STXBP6: variants seen among roughly 807,000 people sequenced by gnomAD.
STXBP6 encodes syntaxin binding protein 6, also known as syntaxin-binding protein 6.
A neutral mutation model predicts 26.9 loss-of-function variants in STXBP6; 21 were observed. The observed-to-expected ratio is 0.78, with a 90% CI of 0.55 to 1.12. The LOEUF (loss-of-function observed/expected upper bound fraction) is 1.12. STXBP6 is among the 50% of genes most tolerant of loss of function. The probability of loss-of-function intolerance (pLI) is 0.00; values close to 1 mark genes in which losing one functional copy is unlikely to be tolerated. For missense variants in STXBP6, 232 were observed against 257.9 expected, an observed-to-expected ratio of 0.90 and a Z score of 0.69; for synonymous variants, 97 against 92.6, an observed-to-expected ratio of 1.05 and a Z score of -0.27.
chr14:24,820,873 T>G (rs2068114342), intron 4 of STXBP6, among the ~76,000 whole-genome samples: 1 of 152,192 alleles, frequency 6.6e-6, no homozygotes, highest in South Asian at 2.1e-4. Flanking sequence ...ATTCTCTACC[T>G]TGTTCTTTGC....
chr14:24,914,526 T>A (rs1262254109), intron 2 of STXBP6, among the ~76,000 whole-genome samples: 1 of 152,132 alleles, frequency 6.6e-6, no homozygotes, highest in Non-Finnish European at 1.5e-5. Flanking sequence ...GGTTGCATTA[T>A]CCTCCCCCTT....
At chr14:24,814,787 T>A (rs1032242362) in intron 5 of STXBP6, among the ~76,000 whole-genome samples, 1 of 152,274 alleles carries the variant, frequency 6.6e-6, no homozygotes, top group East Asian at 1.9e-4. Flanking sequence ...ATGAATGAGA[T>A]TAGTGTCCTT....
At chr14:24,935,888 CCAGA>C (rs773127110) in intron 2 of STXBP6, among the ~76,000 whole-genome samples, 6 of 152,178 alleles carry the variant, frequency 3.9e-5, no homozygotes, top group African/African-American at 1.4e-4. Flanking sequence ...CATGCACAGA[CCAGA>C]CAGAGACAAT....
At chr14:24,825,738 C>G (rs989565898) in intron 4 of STXBP6, among the ~76,000 whole-genome samples, 2 of 152,166 alleles carry the variant, frequency 1.3e-5, no homozygotes, top group Non-Finnish European at 2.9e-5. Flanking sequence ...TTCATACTCT[C>G]CTCTCAATTC....
At chr14:24,864,192 C>G (rs559577657) in intron 2 of STXBP6, among the ~76,000 whole-genome samples, 2 of 152,104 alleles carry the variant, frequency 1.3e-5, no homozygotes, top group African/African-American at 2.4e-5. Context: ...TTCAAAGTCA[C>G]GGCCAACTGA....
At chr14:24,898,670 C>T (rs558270817) in intron 2 of STXBP6, among the ~76,000 whole-genome samples, 1 of 151,902 alleles carries the variant, frequency 6.6e-6, no homozygotes, top group South Asian at 2.1e-4. Flanking sequence ...GAGGGATACT[C>T]CATCTCAAAA....
chr14:24,982,134 T>C (rs2074210055), intron 1 of STXBP6, among the ~76,000 whole-genome samples: 1 of 152,194 alleles, frequency 6.6e-6, no homozygotes, highest in African/African-American at 2.4e-5. Flanking sequence ...GAGTGCTCCT[T>C]GAAAATTGCG....
intron 2 of STXBP6, among the ~76,000 whole-genome samples, chr14:24,921,127 C>G (rs1293835087): frequency 6.6e-6 from 1 of 152,138 alleles, no homozygotes; most frequent in Non-Finnish European, 1.5e-5. Context: ...TCTCAATTCT[C>G]TTCTCTGTAA....
intron 1 of STXBP6, among the ~76,000 whole-genome samples, chr14:24,987,435 G>C (rs976070904): frequency 9.2e-5 from 14 of 152,340 alleles, no homozygotes; most frequent in Middle Eastern, 6.8e-3. Context: ...TGAAGAAGGA[G>C]GTTATGGAAA....
intron 1 of STXBP6, among the ~76,000 whole-genome samples, chr14:25,005,285 A>G (rs1204011840): frequency 6.6e-6 from 1 of 152,212 alleles, no homozygotes; most frequent in African/African-American, 2.4e-5. Context: ...TATGCTAACA[A>G]CAGTTGCATG....
intron 2 of STXBP6, among the ~76,000 whole-genome samples, chr14:24,876,813 T>G (rs1255412305): frequency 6.6e-6 from 1 of 152,180 alleles, no homozygotes; most frequent in Non-Finnish European, 1.5e-5. Context: ...TTAAGAACAT[T>G]AAAAATTAGA....
chr14:24,931,621 A>C (rs181537932), intron 2 of STXBP6, among the ~76,000 whole-genome samples: 4 of 152,310 alleles, frequency 2.6e-5, no homozygotes, highest in African/African-American at 9.6e-5. Context: ...GCAGTGTTGA[A>C]CAAGTGAAGT....
At chr14:24,965,172 T>A (rs117989046) in intron 2 of STXBP6, among the ~76,000 whole-genome samples, 6,733 of 151,468 alleles carry the variant, frequency 0.044, 280 homozygotes, top group East Asian at 0.21. Flanking sequence ...CTGTCAGGAG[T>A]GGGACACAGA....
chr14:24,837,373 T>C (rs1335964488), intron 4 of STXBP6, among the ~76,000 whole-genome samples: 1 of 152,188 alleles, frequency 6.6e-6, no homozygotes, highest in Non-Finnish European at 1.5e-5. Flanking sequence ...AGTTCGGGGG[T>C]AGAATCATAT....
At chr14:24,882,107 C>T (rs952152124) in intron 2 of STXBP6, among the ~76,000 whole-genome samples, 2 of 151,672 alleles carry the variant, frequency 1.3e-5, no homozygotes, top group African/African-American at 4.8e-5. Context: ...CGGCCGGGCG[C>T]GGTGGCTCAC....
At position 24,885,374 on chromosome 14, in the gene STXBP6, C is replaced by T. The variant is rs955391175; in HGVS notation, c.155-28217G>A. ...TAAGAAGAAGGTCTATTTTCCTGTA[C>T]TCAAGGTTTGGCATATCCAAAGGCC... is the stretch of plus-strand genomic sequence containing the variant. On this transcript the variant is annotated intron_variant, in intron 2 of 5. Coordinates refer to ENST00000323944, the MANE Select transcript of STXBP6 (RefSeq NM_001394410.1). 2.6e-5 allele frequency among the ~76,000 whole-genome samples: 4 copies of T among 152,276 alleles called. No homozygotes were observed. In the South Asian group the frequency reaches 8.3e-4, roughly 32 times the overall value.
At chr14:25,022,232 T>C (rs1006780445) in intron 1 of STXBP6, among the ~76,000 whole-genome samples, 1 of 152,212 alleles carries the variant, frequency 6.6e-6, no homozygotes, top group Non-Finnish European at 1.5e-5. Context: ...TTTCTTTAAC[T>C]GGATTCCACT....
intron 2 of STXBP6, among the ~76,000 whole-genome samples, chr14:24,866,781 T>C (rs2069737782): frequency 6.6e-6 from 1 of 151,438 alleles, no homozygotes; most frequent in Admixed American, 6.6e-5. Flanking sequence ...TGGACAGACA[T>C]ACCATGGTAA....
intron 4 of STXBP6, among the ~76,000 whole-genome samples, chr14:24,843,595 T>C (rs1594946768): frequency 6.6e-6 from 1 of 152,318 alleles, no homozygotes; most frequent in East Asian, 1.9e-4. Flanking sequence ...GGGCAAGCAT[T>C]AGTATTCTGT....
Sources: allele counts gnomAD v4.1 joint callset (sites outside exome capture counted in the v4.1 genomes callset), GRCh38; gene constraint gnomAD v4.1.1; transcripts MANE v1.5; gene names NCBI Gene and HGNC (gene_info 2026-07-23, HGNC 2026-07-21).